The following CSNK1G1 variants were observed in gnomAD, a reference collection of about 807,000 sequenced individuals.
CSNK1G1 encodes the protein casein kinase I isoform gamma-1.
A neutral mutation model predicts 59.6 loss-of-function variants in CSNK1G1; 22 were observed. The observed-to-expected ratio is 0.37, with a 90% CI of 0.26 to 0.53. The LOEUF (loss-of-function observed/expected upper bound fraction) is 0.53. Among genes scored for constraint, CSNK1G1 ranks in the 20% least tolerant of loss-of-function variants. The probability of loss-of-function intolerance (pLI) is 0.89; values close to 1 mark genes in which losing one functional copy is unlikely to be tolerated. For missense variants in CSNK1G1, 384 were observed against 519.5 expected (o/e 0.74, Z 2.54); for synonymous variants, 179 against 177.1 (o/e 1.01, Z -0.08).
chr15:64,288,219 G>A (rs1447255137), intron 2 of CSNK1G1, among the ~76,000 whole-genome samples: 1 of 152,014 alleles, frequency 6.6e-6, no homozygotes, highest in Admixed American at 6.6e-5. Flanking sequence ...CAGTAACAGT[G>A]CTCTCATAGA....
chr15:64,278,249 G>C (rs1893864313), intron 2 of CSNK1G1, among the ~76,000 whole-genome samples: 1 of 151,184 alleles, frequency 6.6e-6, no homozygotes, highest in African/African-American at 2.4e-5. Flanking sequence ...GTTTTGCCAT[G>C]TTGGCCAGGC....
chr15:64,183,017 T>C (rs534959190), intron 10 of CSNK1G1, among the ~76,000 whole-genome samples: 1 of 152,316 alleles, frequency 6.6e-6, no homozygotes, highest in East Asian at 1.9e-4. Flanking sequence ...ACTCATTCTG[T>C]GAGCACAAAG....
chr15:64,266,830 C>G (rs1443080005), intron 2 of CSNK1G1, among the ~76,000 whole-genome samples: 2 of 152,116 alleles, frequency 1.3e-5, no homozygotes, highest in Non-Finnish European at 1.5e-5. Context: ...AGAAAGTAGA[C>G]CCTTATCTCT....
intron 2 of CSNK1G1, among the ~76,000 whole-genome samples, chr15:64,283,192 T>TA (rs942481814): frequency 3.3e-5 from 5 of 151,172 alleles, no homozygotes; most frequent in Admixed American, 1.3e-4. Flanking sequence ...AAGTGACCAT[T>TA]AAAAAAAAAT....
chr15:64,306,314 A>C (rs1393517503), intron 1 of CSNK1G1, among the ~76,000 whole-genome samples: 2 of 152,238 alleles, frequency 1.3e-5, no homozygotes, highest in Non-Finnish European at 2.9e-5. Flanking sequence ...AACCCAGTTA[A>C]AATATGAGCA....
At chr15:64,224,127 A>G (rs2082425832) in intron 4 of CSNK1G1, among the ~76,000 whole-genome samples, 1 of 152,260 alleles carries the variant, frequency 6.6e-6, no homozygotes, top group Non-Finnish European at 1.5e-5. Context: ...ACTATGAAGG[A>G]CAACAACCTT....
intron 4 of CSNK1G1, among the ~76,000 whole-genome samples, chr15:64,220,801 G>A (rs1468406139): frequency 6.6e-6 from 1 of 151,874 alleles, no homozygotes; most frequent in Non-Finnish European, 1.5e-5. Context: ...TGATCTGCCT[G>A]CCTTGGCCTC....
At chr15:64,248,008 T>A (rs1480178810) in intron 4 of CSNK1G1, among the ~76,000 whole-genome samples, 1 of 152,238 alleles carries the variant, frequency 6.6e-6, no homozygotes, top group Non-Finnish European at 1.5e-5. Context: ...CACTGGACAG[T>A]AATGAACAAT....
At chr15:64,268,660 T>C (rs911987778) in intron 2 of CSNK1G1, among the ~76,000 whole-genome samples, 6 of 152,140 alleles carry the variant, frequency 3.9e-5, no homozygotes, top group Non-Finnish European at 4.4e-5. Context: ...TTATTCTTTT[T>C]ATTTCAATTG....
intron 1 of CSNK1G1, among the ~76,000 whole-genome samples, chr15:64,307,327 C>G (rs1197172165): frequency 6.6e-6 from 1 of 152,058 alleles, no homozygotes; most frequent in Admixed American, 6.6e-5. Flanking sequence ...AAAAATAAAG[C>G]CTGTTAATTA....
chr15:64,245,932 G>T (rs1731522457), intron 4 of CSNK1G1, among the ~76,000 whole-genome samples: 1 of 152,144 alleles, frequency 6.6e-6, no homozygotes, highest in Non-Finnish European at 1.5e-5. Context: ...GGTTACCAGA[G>T]GCTGGGAATG....
chr15:64,282,117 T>A (rs950099451), intron 2 of CSNK1G1, among the ~76,000 whole-genome samples: 1 of 151,660 alleles, frequency 6.6e-6, no homozygotes, highest in Non-Finnish European at 1.5e-5. Flanking sequence ...TTTGTGGAGA[T>A]GCGGTCTTGC....
At chr15:64,205,873 T>G (rs1021354042) in intron 7 of CSNK1G1, among the ~76,000 whole-genome samples, 1 of 152,190 alleles carries the variant, frequency 6.6e-6, no homozygotes, top group African/African-American at 2.4e-5. Flanking sequence ...GGTGGAAGTC[T>G]TACGTTTTAG....
intron 1 of CSNK1G1, among the ~76,000 whole-genome samples, chr15:64,306,692 C>A (rs555669676): frequency 2.0e-5 from 3 of 152,202 alleles, no homozygotes; most frequent in African/African-American, 4.8e-5. Context: ...ACGTTTACAG[C>A]AGCTTCATTT....
Position 64,203,178 on chromosome 15 carries a change from T to A in CSNK1G1, c.1011A>T (p.Val337=), listed in dbSNP as rs1407284547. The A allele has an allele frequency of 3.1e-6, 5 of 1,613,328 alleles. No homozygotes were observed. Among genetic ancestry groups the A allele is most frequent in the Non-Finnish European group, 4.2e-6 (5 of 1,179,294 alleles). Residue 337 remains valine (V), a synonymous_variant, in exon 10 of 12, where the codon GTA becomes GTT. Transcript: ENST00000303052. ...CACCAGAATCTACGTGAACTGACCC[T>A]ACTGGAGTAGGCTAGAAAAATGAAA... ...DWVGRPIPTP[V]GSVHVDSGAS... is the part of the protein sequence containing the mutation.
chr15:64,271,206 T>C (rs1893283838), intron 2 of CSNK1G1, among the ~76,000 whole-genome samples: 2 of 152,134 alleles, frequency 1.3e-5, no homozygotes, highest in East Asian at 1.9e-4. Flanking sequence ...CAGGCTGGTC[T>C]TGAACTCCTG....
At chr15:64,243,965 T>G (rs1354158320) in intron 4 of CSNK1G1, among the ~76,000 whole-genome samples, 1 of 151,876 alleles carries the variant, frequency 6.6e-6, no homozygotes, top group Non-Finnish European at 1.5e-5. Flanking sequence ...GGTCAGGACT[T>G]CGAGAACAGC....
At chr15:64,355,023 T>C (rs771474038) in intron 1 of CSNK1G1, among the ~76,000 whole-genome samples, 3 of 152,202 alleles carry the variant, frequency 2.0e-5, no homozygotes, top group South Asian at 2.1e-4. Context: ...CAGTCACTGA[T>C]TGAAACAAAA....
Position 64,293,292 on chromosome 15 carries a change from C to T in CSNK1G1, c.181+7027G>A, listed in dbSNP as rs1424670037. Among the ~76,000 whole-genome samples, 3 of 152,106 alleles carry T rather than the reference C, an allele frequency of 2.0e-5. No homozygotes were observed. The East Asian group carries it at 5.8e-4, about 29-fold the overall frequency. On this transcript the variant is annotated intron_variant, in intron 2 of 11. Transcript: ENST00000303052. ...AAAAGACTCCACAGAAATAATCTTT[C>T]CATTGAAAATGAGCAAAGGCCACAT...
Sources: allele counts gnomAD v4.1 joint callset (sites outside exome capture counted in the v4.1 genomes callset), GRCh38; gene constraint gnomAD v4.1.1; transcripts MANE v1.5; gene names NCBI Gene and HGNC (gene_info 2026-07-23, HGNC 2026-07-21).